DPYSL5: variants seen among roughly 807,000 people sequenced by gnomAD.
DPYSL5 encodes dihydropyrimidinase-related protein 5.
In DPYSL5, 9 loss-of-function variants were observed where a neutral mutation model predicts 58.4. The observed-to-expected ratio is 0.15, with a 90% confidence interval of 0.09 to 0.27. The LOEUF (loss-of-function observed/expected upper bound fraction) is 0.27, where lower values mean the gene tolerates loss of function less well. Ranked by LOEUF, DPYSL5 falls within the 10% of genes least tolerant of loss-of-function variation. The probability of loss-of-function intolerance (pLI) is 1.00; values close to 1 mark genes in which losing one functional copy is unlikely to be tolerated. For missense variants in DPYSL5, 499 were observed against 770.6 expected, an observed-to-expected ratio of 0.65 and a Z score of 4.17; for synonymous variants, 293 against 301.9, an observed-to-expected ratio of 0.97 and a Z score of 0.31.
intron 1 of DPYSL5, among the ~76,000 whole-genome samples, chr2:26,858,181 T>A (rs2148107565): frequency 6.6e-6 from 1 of 151,250 alleles, no homozygotes; most frequent in East Asian, 1.9e-4. Context: ...TTTTTTTTTT[T>A]TTTTTTTTGA....
intron 1 of DPYSL5, among the ~76,000 whole-genome samples, chr2:26,850,587 C>T (rs1423132051): frequency 6.6e-6 from 1 of 152,030 alleles, no homozygotes; most frequent in Non-Finnish European, 1.5e-5. Flanking sequence ...CTGGGCGATA[C>T]TTGGCATTGT....
intron 1 of DPYSL5, among the ~76,000 whole-genome samples, chr2:26,857,180 A>G (rs553487282): frequency 9.2e-5 from 14 of 152,138 alleles, no homozygotes; most frequent in African/African-American, 3.4e-4. Context: ...TTTATTGTTA[A>G]CTAATTTATA....
At chr2:26,911,720 C>T (rs1439004296) in intron 2 of DPYSL5, among the ~76,000 whole-genome samples, 2 of 152,116 alleles carry the variant, frequency 1.3e-5, no homozygotes, top group Admixed American at 6.5e-5. Flanking sequence ...ACTGAACCAT[C>T]GCCCCTCTCC....
Position 26,925,078 on chromosome 2 carries a change from A to AC in DPYSL5, c.420+34dup, listed in dbSNP as rs1260195807. On this transcript the variant is annotated intron_variant, in intron 3 of 12. Coordinates refer to ENST00000288699, the MANE Select transcript of DPYSL5 (RefSeq NM_020134.4). This position sits in a 1 kb window ranked among gnomAD's most constrained non-coding sequence, Gnocchi z 4.5. Reference sequence around the variant, plus strand: ...TGCTGGTGGGATCCCAGAAGAAGGCACAAGTGGTCTTGTAGGCAGAGGGGC... The same window carrying AC: ...TGCTGGTGGGATCCCAGAAGAAGGCACCAAGTGGTCTTGTAGGCAGAGGGGC... The AC allele has an allele frequency of 6.2e-7, 1 of 1,608,454 alleles. No homozygotes were observed. The highest frequency in any genetic ancestry group is 8.5e-7 in the Non-Finnish European group (1 of 1,176,740).
rs4665925 is a variant in DPYSL5 at position 26,924,638 on chromosome 2, C to A, written c.262-249C>A. Among the ~76,000 whole-genome samples, 1 of 152,118 alleles carries A rather than the reference C, an allele frequency of 6.6e-6. No homozygotes were observed. The highest frequency in any genetic ancestry group is 1.5e-5 in the Non-Finnish European group (1 of 68,018). ...GTGACCCACGATGTGGTTTTTCCAG[C>A]GCGCCAAGCTGAAACCCTGGCGGAG... On this transcript the variant is annotated intron_variant, in intron 2 of 12. Coordinates refer to ENST00000288699, the MANE Select transcript of DPYSL5 (RefSeq NM_020134.4). The surrounding 1 kb of genome is among the most constrained non-coding windows in gnomAD (Gnocchi z 4.7).
chr2:26,914,746 C>G (rs1271779859), intron 2 of DPYSL5, among the ~76,000 whole-genome samples: 1 of 152,120 alleles, frequency 6.6e-6, no homozygotes, highest in Non-Finnish European at 1.5e-5. Flanking sequence ...TCAGGGCTTC[C>G]TGAACAGATG....
intron 2 of DPYSL5, among the ~76,000 whole-genome samples, chr2:26,912,664 G>C (rs772829627): frequency 7.9e-5 from 12 of 152,182 alleles, no homozygotes; most frequent in South Asian, 2.1e-4. Flanking sequence ...ACCGCATGTC[G>C]GGAGCCAGCC....
intron 1 of DPYSL5, among the ~76,000 whole-genome samples, chr2:26,879,619 G>A (rs1444859135): frequency 1.3e-5 from 2 of 152,292 alleles, no homozygotes; most frequent in East Asian, 3.9e-4. Context: ...GGCCAGCTGT[G>A]CAGTGATTTC....
At chr2:26,891,028 G>A (rs956197256) in intron 1 of DPYSL5, among the ~76,000 whole-genome samples, 6 of 152,144 alleles carry the variant, frequency 3.9e-5, no homozygotes, top group African/African-American at 1.4e-4. Context: ...AATTAGAGGG[G>A]ACACATACAT....
chr2:26,946,078 AG>A, intron 12 of DPYSL5, among the ~76,000 whole-genome samples: 1 of 152,310 alleles, frequency 6.6e-6, no homozygotes, highest in South Asian at 2.1e-4. Flanking sequence ...GAAGTCAGAA[AG>A]GGACCCTGGC....
intron 2 of DPYSL5, among the ~76,000 whole-genome samples, chr2:26,919,761 A>C (rs1305041444): frequency 1.3e-5 from 2 of 152,228 alleles, no homozygotes; most frequent in Non-Finnish European, 2.9e-5. Flanking sequence ...ATGTTCTACA[A>C]AGCTGCAATT....
intron 1 of DPYSL5, among the ~76,000 whole-genome samples, chr2:26,862,682 G>C (rs1312860040): frequency 1.3e-5 from 2 of 152,156 alleles, no homozygotes; most frequent in East Asian, 3.9e-4. Context: ...GAGAGCCGCT[G>C]TGTGCCTGAC....
Position 26,942,865 on chromosome 2 carries a change from T to C in DPYSL5, c.1440+115T>C, listed in dbSNP as rs1388429356. The C allele has an allele frequency of 1.7e-6, 2 of 1,210,504 alleles. No individual in the cohort carries two copies. The highest frequency in any genetic ancestry group is 2.5e-5 in the East Asian group (1 of 39,830). 75.0% of individuals were successfully genotyped at this position (1,210,504 alleles called of 1,614,324 possible). On this transcript the variant is annotated intron_variant, in intron 11 of 12. Transcript: ENST00000288699. The surrounding 1 kb of genome is among the most constrained non-coding windows in gnomAD (Gnocchi z 5.9). Reference sequence around the variant, plus strand: ...ACTCCAGTTTTCGACCCAATTCCATTGCACTTTCTCCAGCGTTGAGAGGGG... The same window carrying C: ...ACTCCAGTTTTCGACCCAATTCCATCGCACTTTCTCCAGCGTTGAGAGGGG...
At chr2:26,851,590 T>A (rs921640672) in intron 1 of DPYSL5, among the ~76,000 whole-genome samples, 1 of 152,152 alleles carries the variant, frequency 6.6e-6, no homozygotes, top group African/African-American at 2.4e-5. Context: ...TGATCCTGCA[T>A]TAGCTCCACG....
At chr2:26,939,836 C>T in intron 8 of DPYSL5, 195 bp from the exon 9 acceptor site, 2 of 627,246 alleles carry the variant, frequency 3.2e-6, no homozygotes, top group Non-Finnish European at 5.5e-6. Flanking sequence ...GTGCCACACT[C>T]ATTCTGTAGA....
At chr2:26,941,274 A>G (rs1343870884) in intron 9 of DPYSL5, among the ~76,000 whole-genome samples, 1 of 152,184 alleles carries the variant, frequency 6.6e-6, no homozygotes, top group Non-Finnish European at 1.5e-5. Flanking sequence ...TTAAGACAGC[A>G]TCCTAGAAGT....
chr2:26,946,799 C>A, intron 12 of DPYSL5, 111 bp from the exon 13 acceptor site: 1 of 727,460 alleles, frequency 1.4e-6, no homozygotes, highest in Non-Finnish European at 2.4e-6. Context: ...GATGGAGTGG[C>A]TGTGAGGATT....
chr2:26,894,599 C>A (rs540969647), intron 1 of DPYSL5, among the ~76,000 whole-genome samples: 1 of 152,162 alleles, frequency 6.6e-6, no homozygotes, highest in Non-Finnish European at 1.5e-5. Flanking sequence ...CTACCTCCTT[C>A]GGGAGCTCAC....
At chr2:26,920,969 GA>G (rs1198006104) in intron 2 of DPYSL5, among the ~76,000 whole-genome samples, 2 of 152,074 alleles carry the variant, frequency 1.3e-5, no homozygotes, top group Non-Finnish European at 2.9e-5. Context: ...ATTTGGTCAT[GA>G]ATTCATAAAT....
Sources: gnomAD v4.1 joint callset for allele counts (sites outside exome capture counted in the v4.1 genomes callset) on GRCh38, gnomAD v4.1.1 for gene constraint, Gnocchi (gnomAD v3.1) non-coding constraint, MANE v1.5 for transcripts, NCBI Gene and HGNC (gene_info 2026-07-23, HGNC 2026-07-21) for gene names.